The following HMCN1 variants were observed in gnomAD, a reference collection of about 807,000 sequenced individuals.
HMCN1 encodes the protein hemicentin 1.
In HMCN1, 321 loss-of-function variants were observed where a neutral mutation model predicts 625.9. The observed-to-expected ratio is 0.51, with a 90% CI of 0.47 to 0.56. HMCN1 has a LOEUF of 0.56. Ranked by LOEUF, HMCN1 falls within the 20% of genes least tolerant of loss-of-function variation. The pLI, the probability that HMCN1 is intolerant of heterozygous loss-of-function variation, is 0.00. For synonymous variants in HMCN1, 2,425 were observed against 2,417.6 expected, an observed-to-expected ratio of 1.00 and a Z score of -0.09; for missense variants, 6,588 against 6,887.3, an observed-to-expected ratio of 0.96 and a Z score of 1.54.
At chr1:185,984,371 T>G (rs1478647860) in intron 19 of HMCN1, 58 bp downstream of exon 19, 5 of 1,506,918 alleles carry the variant, frequency 3.3e-6, no homozygotes, top group Non-Finnish European at 4.6e-6. Context: ...GTTGTTCTTA[T>G]ATTTTAATCA....
intron 1 of HMCN1, among the ~76,000 whole-genome samples, chr1:185,781,500 C>T (rs926510932): frequency 2.0e-5 from 3 of 152,134 alleles, no homozygotes; most frequent in Admixed American, 1.3e-4. Context: ...TACGAATTTC[C>T]CTCTACACAC....
chr1:186,180,159 T>C (rs1324429852), intron 104 of HMCN1, among the ~76,000 whole-genome samples: 1 of 152,192 alleles, frequency 6.6e-6, no homozygotes, highest in Non-Finnish European at 1.5e-5. Context: ...CTTGCTAGTA[T>C]ATTAAACAAC....
At chr1:185,956,221 G>A (rs1213568710) in intron 11 of HMCN1, among the ~76,000 whole-genome samples, 2 of 151,810 alleles carry the variant, frequency 1.3e-5, no homozygotes, top group East Asian at 1.9e-4. Context: ...CATACACCAA[G>A]CAGTTCTCCA....
At position 185,995,094 on chromosome 1, in the gene HMCN1, C is replaced by A. The variant is rs777696196; in HGVS notation, c.3778+7C>A. The A allele has an allele frequency of 1.2e-6, 2 of 1,612,654 alleles. No homozygotes were observed. Among genetic ancestry groups the A allele is most frequent in the South Asian group, 2.2e-5 (2 of 91,044 alleles). On this transcript the variant is annotated splice_region_variant and intron_variant, in intron 24 of 106. Transcript: ENST00000271588. ...ATAACGCTACATGTCCAAGGTGATT[C>A]TTGACACAGGAAAATATATGTATGT...
chr1:185,865,718 T>C, intron 3 of HMCN1, 23 bp from the exon 4 acceptor site: 2 of 883,684 alleles, frequency 2.3e-6, no homozygotes, highest in Non-Finnish European at 3.3e-6. Context: ...TTACACTGTT[T>C]CTTTTTTTTT....
chr1:185,793,471 A>T (rs966467168), intron 1 of HMCN1, among the ~76,000 whole-genome samples: 7 of 152,194 alleles, frequency 4.6e-5, no homozygotes, highest in African/African-American at 1.7e-4. Flanking sequence ...ATAATCCAGG[A>T]TAATCTCCTC....
At chr1:185,902,585 G>C (rs1310132184) in intron 4 of HMCN1, among the ~76,000 whole-genome samples, 1 of 151,680 alleles carries the variant, frequency 6.6e-6, no homozygotes. Flanking sequence ...TTAAATGTGT[G>C]AGTGTGTATG....
chr1:186,130,655 C>T lies in HMCN1; in HGVS notation c.13188C>T (p.Ile4396=), dbSNP rs1661882577. 6.2e-7 allele frequency: 1 copy of T among 1,613,204 alleles called. No homozygotes were observed. The highest frequency in any genetic ancestry group is 1.3e-5 in the African/African-American group (1 of 74,840). ...KGVDIEISHR[I]RQLGNGSLAI... ...TGGATATTGAAATTAGCCACAGAATCCGGCAACTGGGCAATGGCTCCCTGG... is the reference window on the plus strand; with the variant it reads ...TGGATATTGAAATTAGCCACAGAATTCGGCAACTGGGCAATGGCTCCCTGG... The change falls in exon 85 of 107, where the codon ATC becomes ATT. Residue 4396 remains isoleucine (I), a synonymous_variant. Transcript: ENST00000271588.
chr1:186,094,405 G>T, intron 67 of HMCN1, 32 bp downstream of exon 67: 1 of 1,472,762 alleles, frequency 6.8e-7, no homozygotes, highest in Non-Finnish European at 9.5e-7. Context: ...CTATTACTTT[G>T]CTATGTCAAG....
intron 48 of HMCN1, 65 bp from the exon 49 acceptor site, chr1:186,065,173 C>T (rs1189475393): frequency 7.4e-7 from 1 of 1,355,056 alleles, no homozygotes; most frequent in East Asian, 2.3e-5. Context: ...AAAACCTCCT[C>T]TTTCAAAGTT....
At chr1:185,866,404 T>C (rs936514446) in intron 4 of HMCN1, among the ~76,000 whole-genome samples, 1 of 137,556 alleles carries the variant, frequency 7.3e-6, no homozygotes, top group African/African-American at 2.9e-5. Context: ...ATAATTTTTT[T>C]TTTTTTTTTT....
chr1:186,078,128 C>A lies in HMCN1; in HGVS notation c.8507C>A (p.Pro2836His), dbSNP rs760242224. Residue 2836 changes from proline to histidine, a missense_variant, in exon 55 of 107, where the codon CCT (proline) becomes CAT (histidine). Pro to His is a moderately conservative substitution (Grantham distance 77). Coordinates refer to ENST00000271588, the MANE Select transcript of HMCN1 (RefSeq NM_031935.3). ...TCAGGAGGGCGAGTGTTGCAGATTC[C>A]TCGGGCTAAAGTAGAAGATGCTGGG... The part of the protein sequence containing the change: ...ILPGGRVLQI[P>H]RAKVEDAGRY... 6.2e-7 allele frequency: 1 copy of A among 1,613,578 alleles called. No individual in the cohort carries two copies. The highest frequency in any genetic ancestry group is 1.1e-5 in the South Asian group (1 of 91,060).
intron 81 of HMCN1, 86 bp from the exon 82 acceptor site, chr1:186,125,518 G>A: frequency 9.8e-7 from 1 of 1,021,724 alleles, no homozygotes; most frequent in Non-Finnish European, 1.5e-6. Flanking sequence ...ACCCTGAAAA[G>A]AGTTTTTTAT....
chr1:185,928,716 T>C, intron 10 of HMCN1, 49 bp downstream of exon 10: 1 of 1,590,124 alleles, frequency 6.3e-7, no homozygotes. Flanking sequence ...AATGCAGCTA[T>C]GGAAATGGGA....
intron 93 of HMCN1, among the ~76,000 whole-genome samples, chr1:186,148,934 TC>T (rs372955982): frequency 7.2e-5 from 9 of 124,394 alleles, no homozygotes; most frequent in African/African-American, 3.5e-4. Context: ...TTGAAAGGAA[TC>T]TTTTTTTTTT....
chr1:185,952,182 A>G (rs375639901), intron 11 of HMCN1, among the ~76,000 whole-genome samples: 7 of 151,770 alleles, frequency 4.6e-5, no homozygotes, highest in Non-Finnish European at 7.4e-5. Context: ...CTATGCCTTT[A>G]GCTCCAGCCA....
chr1:185,816,477 T>C (rs796461922), intron 1 of HMCN1, among the ~76,000 whole-genome samples: 5 of 152,316 alleles, frequency 3.3e-5, no homozygotes, highest in African/African-American at 1.2e-4. Context: ...ATATTGGATA[T>C]AGGAAAGGAG....
chr1:186,125,462 ATC>A, intron 81 of HMCN1, 140 bp from the exon 82 acceptor site: 1 of 676,094 alleles, frequency 1.5e-6, no homozygotes, highest in Non-Finnish European at 2.6e-6. Context: ...CAGGAAGCAA[ATC>A]AATATCTTAA....
rs1479726005 is a variant in HMCN1 at position 186,161,516 on chromosome 1, T to C, written c.15257-3595T>C. On this transcript the variant is annotated intron_variant, in intron 97 of 106. Transcript: ENST00000271588. ...AGTTGATGCAGTTTCTTCCTAGTCT[T>C]GATGGTCTTTACATTTTGGCATGAT... 3.4e-4 allele frequency among the ~76,000 whole-genome samples: 51 copies of C among 151,906 alleles called. No individual in the cohort carries two copies. In the South Asian group the frequency reaches 6.7e-3, roughly 20 times the overall value.
Sources: allele counts gnomAD v4.1 joint callset (sites outside exome capture counted in the v4.1 genomes callset), GRCh38; gene constraint gnomAD v4.1.1; transcripts MANE v1.5; gene names NCBI Gene and HGNC (gene_info 2026-07-23, HGNC 2026-07-21).